NOL7: variants seen among roughly 807,000 people sequenced by gnomAD.
NOL7 encodes the protein nucleolar protein 7.
A neutral mutation model predicts 38.4 loss-of-function variants in NOL7; 36 were observed. The ratio of observed to expected loss-of-function variants is 0.94; its 90% CI spans 0.72 to 1.24. The LOEUF is 1.24. NOL7 is among the 50% of genes most tolerant of loss of function. NOL7 has a pLI of 0.00. For missense variants in NOL7, 350 were observed against 315.1 expected (o/e 1.11, Z -0.84); for synonymous variants, 142 against 126.5 (o/e 1.12, Z -0.82).
downstream of NOL7, chr6:13,622,586 T>G (rs567504334): frequency 3.1e-6 from 4 of 1,299,680 alleles, no homozygotes; most frequent in African/African-American, 6.0e-5. Context: ...CTTTAAAAAC[T>G]ACCACTCCCA....
At chr6:13,626,658 T>G (rs1584906880), downstream of NOL7, among the ~76,000 whole-genome samples, 2 of 152,324 alleles carry the variant, frequency 1.3e-5, no homozygotes, top group African/African-American at 4.8e-5. Context: ...AGAACACTCT[T>G]ACCAATTTGG....
chr6:13,620,394 CCTTT>C lies in NOL7; in HGVS notation c.623-9_623-6del. 3.7e-6 allele frequency: 6 copies of C among 1,613,670 alleles called. No individual in the cohort carries two copies. The highest frequency in any genetic ancestry group is 1.7e-4 in the Middle Eastern group (1 of 6,060). Reference sequence around the variant, plus strand: ...AAATAAAACTGTGAAATGATAAATACCTTTCTTTTCTAGTAAATAAGTTCCTGTC... The same window carrying C: ...AAATAAAACTGTGAAATGATAAATACCTTTTCTAGTAAATAAGTTCCTGTC... On this transcript the variant is annotated splice_polypyrimidine_tract_variant and intron_variant, in intron 6 of 7. Coordinates refer to ENST00000451315, the MANE Select transcript of NOL7 (RefSeq NM_016167.5).
chr6:13,623,351 G>A (rs181490970), downstream of NOL7, among the ~76,000 whole-genome samples: 6 of 152,312 alleles, frequency 3.9e-5, no homozygotes, highest in East Asian at 1.2e-3. Context: ...GGCTAGGAAG[G>A]CTTCATATGG....
chr6:13,619,107 A>G (rs1378719105), intron 5 of NOL7, among the ~76,000 whole-genome samples: 1 of 152,190 alleles, frequency 6.6e-6, no homozygotes, highest in African/African-American at 2.4e-5. Context: ...AGGCAGTTTA[A>G]TTTTTCTGGC....
At chr6:13,625,411 CAA>C (rs989171294), downstream of NOL7, among the ~76,000 whole-genome samples, 6 of 152,176 alleles carry the variant, frequency 3.9e-5, no homozygotes, top group African/African-American at 1.2e-4. Context: ...TACATGCACA[CAA>C]AAACTTCTAT....
At chr6:13,629,049 G>C (rs1764702220) in intron 8 of NOL7, among the ~76,000 whole-genome samples, 1 of 152,224 alleles carries the variant, frequency 6.6e-6, no homozygotes, top group African/African-American at 2.4e-5. Context: ...AAAAGCAAAT[G>C]GAAAAATCCA....
intron 5 of NOL7, 22 bp downstream of exon 5, chr6:13,618,161 T>G (rs371738827): frequency 1.5e-6 from 2 of 1,346,820 alleles, no homozygotes; most frequent in Non-Finnish European, 2.1e-6. Flanking sequence ...TTTGTTTCAT[T>G]TGGGATGTAA....
At chr6:13,624,984 A>T (rs933544646), downstream of NOL7, among the ~76,000 whole-genome samples, 1 of 152,200 alleles carries the variant, frequency 6.6e-6, no homozygotes, top group Non-Finnish European at 1.5e-5. Context: ...TAGCTCAAGC[A>T]AAATGGTTGG....
downstream of NOL7, chr6:13,622,234 A>G: frequency 3.2e-6 from 3 of 943,580 alleles, no homozygotes; most frequent in Non-Finnish European, 4.3e-6. Flanking sequence ...ACTAGGAAGC[A>G]ATGTAAAGCG....
At chr6:13,632,030 G>A (rs1345674124) in intron 8 of NOL7, among the ~76,000 whole-genome samples, 1 of 149,574 alleles carries the variant, frequency 6.7e-6, no homozygotes, top group Non-Finnish European at 1.5e-5. Context: ...CCTAGTAACT[G>A]CTGATTTTAC....
chr6:13,623,363 T>G (rs1764510853), downstream of NOL7, among the ~76,000 whole-genome samples: 1 of 152,196 alleles, frequency 6.6e-6, no homozygotes, highest in Non-Finnish European at 1.5e-5. Flanking sequence ...TTCATATGGT[T>G]TAACTCCACT....
downstream of NOL7, among the ~76,000 whole-genome samples, chr6:13,624,400 T>C (rs1390499686): frequency 6.6e-6 from 1 of 152,166 alleles, no homozygotes; most frequent in Non-Finnish European, 1.5e-5. Flanking sequence ...TTGAAATATG[T>C]GACTAAAAGT....
At chr6:13,629,919 C>CGTG (rs1321431147) in intron 8 of NOL7, among the ~76,000 whole-genome samples, 179 of 130,006 alleles carry the variant, frequency 1.4e-3, no homozygotes, top group African/African-American at 3.8e-3. Context: ...CTCTCTCTCT[C>CGTG]TCGTGTGTGT....
chr6:13,620,092 T>C, intron 5 of NOL7, 116 bp from the exon 6 acceptor site: 3 of 1,135,100 alleles, frequency 2.6e-6, no homozygotes, highest in Non-Finnish European at 3.7e-6. Context: ...AGGCAGAAGT[T>C]GCAGTGAGCT....
intron 8 of NOL7, among the ~76,000 whole-genome samples, chr6:13,631,274 C>G (rs1157858691): frequency 6.6e-6 from 1 of 152,138 alleles, no homozygotes; most frequent in East Asian, 1.9e-4. Context: ...GACTTCCCAT[C>G]TCAGCTAGGG....
At chr6:13,631,616 T>C (rs11960990) in intron 8 of NOL7, among the ~76,000 whole-genome samples, 4,419 of 152,216 alleles carry the variant, frequency 0.029, 201 homozygotes, top group African/African-American at 0.099. Context: ...ACCCAAACAT[T>C]AGTCTCAAGG....
Position 13,615,384 on chromosome 6 carries a change from C to T in NOL7, c.26C>T (p.Ser9Phe), listed in dbSNP as rs1457923211. The change falls in exon 1 of 8, where the codon TCT (serine) becomes TTT (phenylalanine). Residue 9 changes from serine (S) to phenylalanine (F), a missense_variant. Ser to Phe is a radical substitution (Grantham distance 155). Coordinates refer to ENST00000451315, the MANE Select transcript of NOL7 (RefSeq NM_016167.5). MVQLRPRA[S>F]RAPASAEAMV... ...ATGGTGCAGCTCCGACCGCGAGCGT[C>T]TCGCGCCCCGGCGTCGGCGGAGGCG... The T allele has an allele frequency of 2.0e-6, 3 of 1,521,484 alleles. No homozygotes were observed. The highest frequency in any genetic ancestry group is 2.6e-6 in the Non-Finnish European group (3 of 1,136,354). The allele number at this position is 1,521,484 out of a possible 1,614,324, so 94.2% of individuals were successfully genotyped here.
In NOL7 at chr6:13,621,592, C is replaced by G. The variant is rs1176513239; in HGVS notation, c.*765C>G. ...TAAGCACTTAAAAATGGAAGGTGTA[C>G]AAAGATTAAATTAAGACACGGTAAA... On this transcript the variant is annotated 3_prime_UTR_variant, in exon 8 of 8. Transcript: ENST00000451315. The G allele has an allele frequency of 6.6e-6, 1 of 152,420 alleles. No homozygotes were observed. Among genetic ancestry groups the G allele is most frequent in the East Asian group, 1.9e-4 (1 of 5,192 alleles). The allele number at this position is 152,420 out of a possible 1,614,324, so 9.4% of individuals were successfully genotyped here. A position where few individuals can be genotyped will look rare whatever the true frequency, so the allele number is the denominator to read the frequency against.
downstream of NOL7, chr6:13,622,449 C>T (rs774942732): frequency 6.2e-7 from 1 of 1,600,246 alleles, no homozygotes; most frequent in Non-Finnish European, 8.5e-7. Context: ...TGGCCTGTCC[C>T]ATTGCTAGGG....
Sources: allele counts gnomAD v4.1 joint callset (sites outside exome capture counted in the v4.1 genomes callset), GRCh38; gene constraint gnomAD v4.1.1; transcripts MANE v1.5; gene names NCBI Gene and HGNC (gene_info 2026-07-23, HGNC 2026-07-21).